KIAA0825: variants seen among roughly 807,000 people sequenced by gnomAD.
The protein encoded by KIAA0825 is KIAA0825.
Under a neutral mutation model 147.6 loss-of-function variants are expected in KIAA0825, and 119 were observed. The observed-to-expected ratio is 0.81, with a 90% confidence interval of 0.69 to 0.94. The LOEUF (loss-of-function observed/expected upper bound fraction) is 0.94. Ranked by LOEUF, KIAA0825 falls within the 40% of genes least tolerant of loss-of-function variation. KIAA0825 has a pLI of 0.00. For missense variants in KIAA0825, 1,381 were observed against 1,472.7 expected (o/e 0.94, Z 1.02); for synonymous variants, 470 against 518.1 (o/e 0.91, Z 1.26).
At position 94,152,025 on chromosome 5, in the gene KIAA0825, A is replaced by T. The variant is rs1171122679; in HGVS notation, c.*1982T>A. The stretch of plus-strand genomic sequence containing the variant: ...TCATAAAATTTTCCTACCATTTTCT[A>T]AATGGTCTTCATAGAATTTTTAGAA... On this transcript the variant is annotated 3_prime_UTR_variant, in exon 21 of 21. Transcript: ENST00000682413. Among the ~76,000 whole-genome samples the T allele has an allele frequency of 6.6e-6, 1 of 152,232 alleles. No homozygotes were observed. Among genetic ancestry groups the T allele is most frequent in the Non-Finnish European group, 1.5e-5 (1 of 68,040 alleles).
chr5:94,346,637 C>T (rs542127796), intron 20 of KIAA0825, among the ~76,000 whole-genome samples: 2 of 152,290 alleles, frequency 1.3e-5, no homozygotes, highest in African/African-American at 4.8e-5. Context: ...GAGCGAAATA[C>T]AGGGGTAGAC....
At chr5:94,489,852 C>T (rs1198071310) in intron 5 of KIAA0825, among the ~76,000 whole-genome samples, 1 of 146,940 alleles carries the variant, frequency 6.8e-6, no homozygotes, top group African/African-American at 2.5e-5. Context: ...TGCCATTGCA[C>T]TCCAGCCTGA....
At chr5:94,276,614 G>A (rs1777234082) in intron 20 of KIAA0825, among the ~76,000 whole-genome samples, 1 of 152,048 alleles carries the variant, frequency 6.6e-6, no homozygotes. Context: ...AGCTTGATGA[G>A]GACTAGTTTT....
At position 94,255,904 on chromosome 5, in the gene KIAA0825, A is replaced by C. The variant is rs1488220518; in HGVS notation, c.3711-101780T>G. Among the ~76,000 whole-genome samples the C allele has an allele frequency of 2.6e-5, 4 of 151,372 alleles. No homozygotes were observed. In the East Asian group the frequency reaches 7.8e-4, roughly 30 times the overall value. ...AATTTTTGTATTTTTTATAGAGACG[A>C]GGTCTCATTATCTTACCTAGGCTTG... On this transcript the variant is annotated intron_variant, in intron 20 of 20. Transcript: ENST00000682413.
At chr5:94,265,124 T>C (rs1326434373) in intron 20 of KIAA0825, among the ~76,000 whole-genome samples, 1 of 152,120 alleles carries the variant, frequency 6.6e-6, no homozygotes, top group Non-Finnish European at 1.5e-5. Flanking sequence ...CGATATGAAA[T>C]TGCCAATATT....
chr5:94,417,709 T>C (rs1302933498), intron 14 of KIAA0825, among the ~76,000 whole-genome samples: 1 of 152,212 alleles, frequency 6.6e-6, no homozygotes, highest in East Asian at 1.9e-4. Context: ...CTTTTTCTAA[T>C]TTAAGAATAA....
chr5:94,464,102 T>C (rs1760190698), intron 11 of KIAA0825, among the ~76,000 whole-genome samples: 1 of 150,136 alleles, frequency 6.7e-6, no homozygotes, highest in South Asian at 2.1e-4. Context: ...CTCCCGTGTC[T>C]GTAGGTTCCT....
At chr5:94,573,161 C>A in intron 2 of KIAA0825, among the ~76,000 whole-genome samples, 1 of 151,692 alleles carries the variant, frequency 6.6e-6, no homozygotes, top group East Asian at 1.9e-4. Flanking sequence ...GGTAAATTTA[C>A]ACATTTTCTG....
chr5:94,464,791 A>G, intron 11 of KIAA0825, 78 bp downstream of exon 11: 1 of 1,215,146 alleles, frequency 8.2e-7, no homozygotes, highest in Non-Finnish European at 1.1e-6. Flanking sequence ...GGAGTATGTC[A>G]TGAGATTCAG....
At chr5:94,589,312 C>T (rs1783915507) in intron 1 of KIAA0825, among the ~76,000 whole-genome samples, 1 of 152,178 alleles carries the variant, frequency 6.6e-6, no homozygotes, top group Non-Finnish European at 1.5e-5. Flanking sequence ...CATGGACTAC[C>T]CATTCACTAA....
chr5:94,319,793 A>T (rs914516811), intron 20 of KIAA0825, among the ~76,000 whole-genome samples: 1 of 151,926 alleles, frequency 6.6e-6, no homozygotes, highest in African/African-American at 2.4e-5. Flanking sequence ...TAGCAGTCAG[A>T]CAGTATTTTT....
intron 20 of KIAA0825, among the ~76,000 whole-genome samples, chr5:94,293,232 T>C (rs1777981708): frequency 6.6e-6 from 1 of 152,234 alleles, no homozygotes; most frequent in Non-Finnish European, 1.5e-5. Context: ...TTTCCCACTT[T>C]CTCTTCTGGG....
chr5:94,522,181 C>T (rs1768340302), intron 4 of KIAA0825, among the ~76,000 whole-genome samples: 2 of 151,676 alleles, frequency 1.3e-5, no homozygotes, highest in South Asian at 4.1e-4. Context: ...TTTCAAAAGT[C>T]ACATACAGTA....
chr5:94,471,421 C>T (rs771015813), intron 9 of KIAA0825, 45 bp downstream of exon 9: 41 of 1,527,268 alleles, frequency 2.7e-5, no homozygotes, highest in Non-Finnish European at 3.4e-5. Flanking sequence ...AAAGATTACA[C>T]GTTTCTTTAA....
At chr5:94,378,315 C>T (rs922577332) in intron 20 of KIAA0825, among the ~76,000 whole-genome samples, 2 of 152,214 alleles carry the variant, frequency 1.3e-5, no homozygotes, top group Non-Finnish European at 2.9e-5. Context: ...TCTGTGTGTT[C>T]TCAGTATTTA....
chr5:94,613,833 A>T (rs1037315589), intron 1 of KIAA0825, among the ~76,000 whole-genome samples: 4 of 152,236 alleles, frequency 2.6e-5, no homozygotes, highest in Non-Finnish European at 5.9e-5. Context: ...GAGGACAACG[A>T]GGTGAGAGGG....
chr5:94,443,753 A>T (rs1035297237), intron 13 of KIAA0825, among the ~76,000 whole-genome samples: 9 of 152,182 alleles, frequency 5.9e-5, no homozygotes, highest in Non-Finnish European at 1.2e-4. Context: ...GTTTAAACAA[A>T]ATCTTAGCTG....
intron 12 of KIAA0825, among the ~76,000 whole-genome samples, chr5:94,454,241 G>T (rs994008325): frequency 5.3e-5 from 8 of 152,158 alleles, no homozygotes; most frequent in Admixed American, 3.9e-4. Context: ...TTTAGAAATG[G>T]AATTTTTGAG....
chr5:94,512,282 A>C (rs1449460872), intron 5 of KIAA0825, among the ~76,000 whole-genome samples: 3 of 152,052 alleles, frequency 2.0e-5, no homozygotes, highest in African/African-American at 7.2e-5. Context: ...GGTACTAATA[A>C]CTAGAAGTCA....
Sources: allele counts gnomAD v4.1 joint callset (sites outside exome capture counted in the v4.1 genomes callset), GRCh38; gene constraint gnomAD v4.1.1; transcripts MANE v1.5; gene names NCBI Gene and HGNC (gene_info 2026-07-23, HGNC 2026-07-21).